MSRA: variants seen among roughly 807,000 people sequenced by gnomAD.
MSRA encodes the protein mitochondrial peptide methionine sulfoxide reductase.
MSRA carries 54 observed loss-of-function variants against 31.3 expected under a neutral mutation model. That is an observed-to-expected ratio of 1.73 (90% CI 1.39 to 2.17). The LOEUF (loss-of-function observed/expected upper bound fraction) is 2.17. Among genes scored for constraint, MSRA ranks in the 30% most tolerant of loss-of-function variants. The pLI, the probability that MSRA is intolerant of heterozygous loss-of-function variation, is 0.00. For missense variants in MSRA, 507 were observed against 300.9 expected (o/e 1.69, Z -5.07); for synonymous variants, 169 against 116.5 (o/e 1.45, Z -2.90).
At position 10,311,215 on chromosome 8, in the gene MSRA, G is replaced by A. The variant is rs556200110; in HGVS notation, c.437-8668G>A. On this transcript the variant is annotated intron_variant, in intron 4 of 5. Coordinates refer to ENST00000317173, the MANE Select transcript of MSRA (RefSeq NM_012331.5). The stretch of plus-strand genomic sequence containing the variant: ...TTGCCCACTGAAAGCAGCTCCAAAT[G>A]TTGAATAAAATACAACTATATATAT... 9.2e-5 allele frequency among the ~76,000 whole-genome samples: 14 copies of A among 152,286 alleles called. No homozygotes were observed. The South Asian group carries it at 2.5e-3, about 27-fold the overall frequency.
chr8:10,221,438 A>ATATGTATATATGTG (rs1563234604), intron 2 of MSRA, among the ~76,000 whole-genome samples: 2 of 138,666 alleles, frequency 1.4e-5, no homozygotes, highest in East Asian at 4.4e-4. Flanking sequence ...ATATATGTGT[A>ATATGTATATATGTG]TATATACATA....
chr8:10,198,242 C>G (rs769227247), intron 1 of MSRA, among the ~76,000 whole-genome samples: 18 of 151,996 alleles, frequency 1.2e-4, no homozygotes, highest in Non-Finnish European at 2.5e-4. Context: ...TCAGCCACGA[C>G]TACAGCATCA....
At chr8:10,213,053 C>T (rs1267620327) in intron 2 of MSRA, among the ~76,000 whole-genome samples, 3 of 152,144 alleles carry the variant, frequency 2.0e-5, no homozygotes, top group Non-Finnish European at 2.9e-5. Flanking sequence ...CAATTATACT[C>T]TTAGTTATTT....
intron 1 of MSRA, among the ~76,000 whole-genome samples, chr8:10,105,219 G>A (rs747940701): frequency 1.3e-4 from 19 of 151,658 alleles, no homozygotes; most frequent in Non-Finnish European, 2.4e-4. Flanking sequence ...TTTCCTTATG[G>A]CAACTTTGGA....
At chr8:10,351,810 G>A (rs961247435) in intron 5 of MSRA, among the ~76,000 whole-genome samples, 8 of 152,090 alleles carry the variant, frequency 5.3e-5, no homozygotes, top group African/African-American at 1.9e-4. Flanking sequence ...ATGCAGATTC[G>A]GATACAGCAG....
At chr8:10,312,122 G>C (rs1287620478) in intron 4 of MSRA, among the ~76,000 whole-genome samples, 1 of 152,026 alleles carries the variant, frequency 6.6e-6, no homozygotes, top group Non-Finnish European at 1.5e-5. Context: ...CAAGAACTTA[G>C]AAAATCAGCA....
chr8:10,311,254 A>G (rs569617830), intron 4 of MSRA, among the ~76,000 whole-genome samples: 1 of 152,330 alleles, frequency 6.6e-6, no homozygotes. Context: ...GCATCACATC[A>G]AAGGGCTGAC....
intron 5 of MSRA, among the ~76,000 whole-genome samples, chr8:10,336,281 C>G (rs1342239248): frequency 6.6e-6 from 1 of 151,946 alleles, no homozygotes; most frequent in Non-Finnish European, 1.5e-5. Context: ...AAAAATAGGA[C>G]CTGATTGGAG....
At chr8:10,154,803 A>C (rs1804009178) in intron 1 of MSRA, among the ~76,000 whole-genome samples, 1 of 152,112 alleles carries the variant, frequency 6.6e-6, no homozygotes, top group African/African-American at 2.4e-5. Context: ...AAAGAAAATC[A>C]CATGTATATT....
chr8:10,389,592 C>T (rs2129178657), intron 5 of MSRA, among the ~76,000 whole-genome samples: 1 of 152,284 alleles, frequency 6.6e-6, no homozygotes, highest in East Asian at 1.9e-4. Flanking sequence ...CCCTAGGCAT[C>T]TTTTCTCTTC....
At chr8:10,395,245 G>A (rs1035818055) in intron 5 of MSRA, among the ~76,000 whole-genome samples, 2 of 152,122 alleles carry the variant, frequency 1.3e-5, no homozygotes, top group African/African-American at 4.8e-5. Flanking sequence ...GTGGAAGCAT[G>A]TGTGTGTGCA....
chr8:10,307,649 C>T (rs528867421), intron 4 of MSRA, among the ~76,000 whole-genome samples: 11 of 152,362 alleles, frequency 7.2e-5, no homozygotes, highest in African/African-American at 2.6e-4. Context: ...AATGCATTCT[C>T]CAGGCTCTAG....
At chr8:10,329,253 A>G (rs114028777) in intron 5 of MSRA, among the ~76,000 whole-genome samples, 1 of 152,156 alleles carries the variant, frequency 6.6e-6, no homozygotes, top group South Asian at 2.1e-4. Flanking sequence ...CCCAAAGTCA[A>G]TTTCCCTGGA....
chr8:10,299,147 A>G (rs1008556608), intron 3 of MSRA, among the ~76,000 whole-genome samples: 1 of 152,130 alleles, frequency 6.6e-6, no homozygotes, highest in Non-Finnish European at 1.5e-5. Context: ...ATCACTAAAA[A>G]TGTTGGCATT....
intron 1 of MSRA, among the ~76,000 whole-genome samples, chr8:10,150,295 T>G (rs76557756): frequency 0.019 from 2,957 of 152,254 alleles, 41 homozygotes; most frequent in Non-Finnish European, 0.029. Flanking sequence ...GCACCGGCTC[T>G]GAGCAGAGAC....
At chr8:10,134,130 C>T (rs1465768780) in intron 1 of MSRA, among the ~76,000 whole-genome samples, 1 of 152,154 alleles carries the variant, frequency 6.6e-6, no homozygotes, top group Non-Finnish European at 1.5e-5. Context: ...CTGTGCCCGG[C>T]CTGGATCCTA....
intron 1 of MSRA, among the ~76,000 whole-genome samples, chr8:10,179,027 A>G (rs1207333740): frequency 6.6e-6 from 1 of 152,142 alleles, no homozygotes; most frequent in Non-Finnish European, 1.5e-5. Context: ...TTGATTCGTG[A>G]GCACTAGAAA....
intron 3 of MSRA, among the ~76,000 whole-genome samples, chr8:10,290,262 T>C (rs777240401): frequency 1.3e-5 from 2 of 152,162 alleles, no homozygotes; most frequent in African/African-American, 4.8e-5. Context: ...AGAAGTTGAC[T>C]TAATAAAGGC....
At chr8:10,192,349 C>G (rs925743469) in intron 1 of MSRA, among the ~76,000 whole-genome samples, 1 of 152,206 alleles carries the variant, frequency 6.6e-6, no homozygotes, top group African/African-American at 2.4e-5. Context: ...CTGAGCCTTT[C>G]CAACCAGTGA....
Sources: allele counts gnomAD v4.1 joint callset (sites outside exome capture counted in the v4.1 genomes callset), GRCh38; gene constraint gnomAD v4.1.1; transcripts MANE v1.5; gene names NCBI Gene and HGNC (gene_info 2026-07-23, HGNC 2026-07-21).